CLCA4: variants seen among roughly 807,000 people sequenced by gnomAD.
CLCA4 encodes the protein calcium-activated chloride channel regulator 4.
In CLCA4, 69 loss-of-function variants were observed where a neutral mutation model predicts 78.9. That is an observed-to-expected ratio of 0.87 (90% CI 0.72 to 1.07). The LOEUF (loss-of-function observed/expected upper bound fraction) is 1.07, where lower values mean the gene tolerates loss of function less well. Among genes scored for constraint, CLCA4 ranks in the 50% least tolerant of loss-of-function variants. The pLI is 0.00. For synonymous variants in CLCA4, 362 were observed against 375.8 expected (o/e 0.96, Z 0.42); for missense variants, 1,133 against 1,095.8 (o/e 1.03, Z -0.48).
chr1:86,552,258 T>C (rs1355183216), intron 1 of CLCA4, among the ~76,000 whole-genome samples: 1 of 151,956 alleles, frequency 6.6e-6, no homozygotes, highest in African/African-American at 2.4e-5. Context: ...TAAAACTGAA[T>C]TGTAAAAAAA....
At chr1:86,551,505 ACTC>A (rs1649661981) in intron 1 of CLCA4, among the ~76,000 whole-genome samples, 1 of 152,084 alleles carries the variant, frequency 6.6e-6, no homozygotes, top group Admixed American at 6.6e-5. Context: ...CCTCCAGCTC[ACTC>A]CCTGAGGCAG....
intron 1 of CLCA4, among the ~76,000 whole-genome samples, chr1:86,557,719 T>C (rs1190882630): frequency 1.3e-5 from 2 of 152,170 alleles, no homozygotes; most frequent in Non-Finnish European, 1.5e-5. Context: ...TCTGTATAGG[T>C]CTATCGGATC....
At chr1:86,562,637 G>A (rs911292317) in intron 3 of CLCA4, among the ~76,000 whole-genome samples, 8 of 151,904 alleles carry the variant, frequency 5.3e-5, no homozygotes, top group South Asian at 2.1e-4. Flanking sequence ...GGCAGATCAC[G>A]AGGTCAGGAG....
At chr1:86,563,926 C>T (rs1247238232) in intron 4 of CLCA4, among the ~76,000 whole-genome samples, 157 bp downstream of exon 4, 7 of 151,990 alleles carry the variant, frequency 4.6e-5, no homozygotes, top group African/African-American at 9.7e-5. Flanking sequence ...TAGTTGATTG[C>T]TATTTAAAAC....
intron 1 of CLCA4, among the ~76,000 whole-genome samples, chr1:86,551,509 C>G (rs1649662104): frequency 6.6e-6 from 1 of 152,124 alleles, no homozygotes; most frequent in South Asian, 2.1e-4. Context: ...CAGCTCACTC[C>G]CTGAGGCAGC....
rs1190554461 is a variant in CLCA4 at position 86,580,158 on chromosome 1, C to T, written c.2573C>T (p.Ser858Phe). The T allele has an allele frequency of 6.2e-7, 1 of 1,612,792 alleles. No homozygotes were observed. The highest frequency in any genetic ancestry group is 8.5e-7 in the Non-Finnish European group (1 of 1,179,326). The change falls in exon 14 of 14, where the codon TCC becomes TTC. Residue 858 changes from serine to phenylalanine, a missense_variant. Coordinates refer to ENST00000370563, the MANE Select transcript of CLCA4 (RefSeq NM_012128.4). ...AAAAGCAATTTGACATCAAAAGTAT[C>T]CAACATTGCACAAGTAACTTTGTTT... is the stretch of plus-strand genomic sequence containing the variant. ...IDKSNLTSKV[S>F]NIAQVTLFIP...
chr1:86,567,652 G>A lies in CLCA4; in HGVS notation c.1182+1G>A. 6.2e-7 allele frequency: 1 copy of A among 1,607,272 alleles called. No individual in the cohort carries two copies. Among genetic ancestry groups the A allele is most frequent in the South Asian group, 1.1e-5 (1 of 90,288 alleles). ...CTCTGGAATTAAATATGCATTTCAG[G>A]TGAAAATCGTACTGCAAATATATTT... On this transcript the variant is annotated splice_donor_variant, in intron 7 of 13. Coordinates refer to ENST00000370563, the MANE Select transcript of CLCA4 (RefSeq NM_012128.4). LOFTEE classifies it high-confidence loss of function.
chr1:86,578,119 T>C, intron 12 of CLCA4, 47 bp downstream of exon 12: 1 of 1,516,192 alleles, frequency 6.6e-7, no homozygotes, highest in Non-Finnish European at 9.0e-7. Flanking sequence ...TTGAACAATA[T>C]TAGTGATTTG....
In CLCA4 at chr1:86,580,123, A is replaced by G; in HGVS notation, c.2538A>G (p.Lys846=). The G allele has an allele frequency of 6.2e-7, 1 of 1,612,786 alleles. No homozygotes were observed. The highest frequency in any genetic ancestry group is 8.5e-7 in the Non-Finnish European group (1 of 1,179,326). The change falls in exon 14 of 14, where the codon AAA becomes AAG. Residue 846 remains lysine, a synonymous_variant. Coordinates refer to ENST00000370563, the MANE Select transcript of CLCA4 (RefSeq NM_012128.4). ...CAACCCACATATTTATTGCCATTAAAAGTATAGATAAAAGCAATTTGACAT... is the reference window on the plus strand; with the variant it reads ...CAACCCACATATTTATTGCCATTAAGAGTATAGATAAAAGCAATTTGACAT... The part of the protein sequence containing the change: ...ENATHIFIAI[K]SIDKSNLTSK...
chr1:86,558,633 C>T (rs1649920888), intron 1 of CLCA4, among the ~76,000 whole-genome samples: 1 of 152,126 alleles, frequency 6.6e-6, no homozygotes, highest in Non-Finnish European at 1.5e-5. Flanking sequence ...GAAGAGGAAG[C>T]AAACATGTCC....
At chr1:86,572,592 A>G in intron 8 of CLCA4, 22 bp from the exon 9 acceptor site, 1 of 1,328,578 alleles carries the variant, frequency 7.5e-7, no homozygotes, top group South Asian at 1.2e-5. Context: ...AAAGCAGTCT[A>G]ATTAATGCAT....
chr1:86,562,618 G>T (rs926865361), intron 3 of CLCA4, among the ~76,000 whole-genome samples: 1 of 151,238 alleles, frequency 6.6e-6, no homozygotes, highest in East Asian at 1.9e-4. Context: ...ACTTTGGGAC[G>T]CTGAGGCGGG....
At chr1:86,572,776 A>C (rs1237833236) in intron 9 of CLCA4, 56 bp downstream of exon 9, 1 of 1,001,396 alleles carries the variant, frequency 1.0e-6, no homozygotes, top group South Asian at 1.3e-5. Flanking sequence ...AGAAAAAACC[A>C]TTTGGTGGTT....
At chr1:86,556,014 G>T (rs892698050) in intron 1 of CLCA4, among the ~76,000 whole-genome samples, 1 of 152,144 alleles carries the variant, frequency 6.6e-6, no homozygotes, top group Non-Finnish European at 1.5e-5. Context: ...AGCTGTCATT[G>T]GTGTAGAGGA....
At chr1:86,553,705 C>A (rs557738178) in intron 1 of CLCA4, among the ~76,000 whole-genome samples, 1 of 152,118 alleles carries the variant, frequency 6.6e-6, no homozygotes, top group Admixed American at 6.5e-5. Context: ...GAGGCTGAGG[C>A]GGGTGGATCA....
intron 1 of CLCA4, chr1:86,553,463 G>A (rs1649725273): frequency 1.1e-5 from 4 of 347,900 alleles, no homozygotes; most frequent in East Asian, 5.8e-5. Flanking sequence ...CCTTTGTCAC[G>A]ACGATCCTGT....
chr1:86,580,012 A>T lies in CLCA4; in HGVS notation c.2427A>T (p.Gln809His), dbSNP rs758492636. 4.3e-6 allele frequency: 7 copies of T among 1,609,614 alleles called. No individual in the cohort carries two copies. Among genetic ancestry groups the T allele is most frequent in the Admixed American group, 3.3e-5 (2 of 59,756 alleles). ...GAGACAGTTTTGATGATGCTCTTCAAGTAAATACTACTGATCTGTCACCAA... is the reference window on the plus strand; with the variant it reads ...GAGACAGTTTTGATGATGCTCTTCATGTAAATACTACTGATCTGTCACCAA... ...DLRDSFDDAL[Q>H]VNTTDLSPKE... The change falls in exon 14 of 14, where the codon CAA becomes CAT. Residue 809 changes from glutamine to histidine, a missense_variant. Gln to His is a conservative substitution (Grantham distance 24, BLOSUM62 0). Coordinates refer to ENST00000370563, the MANE Select transcript of CLCA4 (RefSeq NM_012128.4).
intron 3 of CLCA4, among the ~76,000 whole-genome samples, chr1:86,563,429 T>A (rs1650081882): frequency 6.6e-6 from 1 of 151,874 alleles, no homozygotes; most frequent in South Asian, 2.1e-4. Context: ...CCTCCCTTAT[T>A]GTTTCATTGA....
Position 86,572,607 on chromosome 1 carries a change from A to G in CLCA4, c.1361-7A>G. 5 of 1,544,588 alleles carry G rather than the reference A, an allele frequency of 3.2e-6. No individual in the cohort carries two copies. Among genetic ancestry groups the G allele is most frequent in the Non-Finnish European group, 4.5e-6 (5 of 1,118,064 alleles). ...AAAGCAGTCTAATTAATGCATTTAC[A>G]TTTTAGGAGGAAGTCATTTTTATGT... On this transcript the variant is annotated splice_polypyrimidine_tract_variant and splice_region_variant and intron_variant, in intron 8 of 13. Transcript: ENST00000370563.
Sources: allele counts gnomAD v4.1 joint callset (sites outside exome capture counted in the v4.1 genomes callset), GRCh38; gene constraint gnomAD v4.1.1; transcripts MANE v1.5; gene names NCBI Gene and HGNC (gene_info 2026-07-23, HGNC 2026-07-21).